SGCZ: variants seen among roughly 807,000 people sequenced by gnomAD.
The protein encoded by SGCZ is zeta-sarcoglycan.
In SGCZ, 40 loss-of-function variants were observed where a neutral mutation model predicts 41.3. The observed-to-expected ratio is 0.97, with a 90% confidence interval of 0.75 to 1.26. The LOEUF (loss-of-function observed/expected upper bound fraction) is 1.26. Among genes scored for constraint, SGCZ ranks in the 50% most tolerant of loss-of-function variants. The pLI is 0.00. For synonymous variants in SGCZ, 206 were observed against 137.5 expected (o/e 1.50, Z -3.49); for missense variants, 552 against 369.8 (o/e 1.49, Z -4.04).
chr8:14,639,386 G>C (rs1806944180), intron 1 of SGCZ, among the ~76,000 whole-genome samples: 1 of 151,504 alleles, frequency 6.6e-6, no homozygotes, highest in African/African-American at 2.4e-5. Context: ...TAATGTCAAA[G>C]AGCAAAAGCT....
chr8:14,705,208 G>T (rs1809295771), intron 1 of SGCZ, among the ~76,000 whole-genome samples: 1 of 151,778 alleles, frequency 6.6e-6, no homozygotes, highest in Admixed American at 6.6e-5. Context: ...GAATATTTTT[G>T]GTGGTCAATA....
intron 2 of SGCZ, among the ~76,000 whole-genome samples, chr8:14,512,443 C>T (rs1472988127): frequency 6.6e-6 from 1 of 151,970 alleles, no homozygotes; most frequent in Admixed American, 6.6e-5. Context: ...TAGATTACAG[C>T]TGATGCCCCA....
At chr8:14,219,063 A>C (rs750520334) in intron 4 of SGCZ, among the ~76,000 whole-genome samples, 20 of 152,232 alleles carry the variant, frequency 1.3e-4, no homozygotes, top group Admixed American at 2.6e-4. Context: ...CAAAAATTAA[A>C]AACAAAATTG....
chr8:14,901,693 CA>C (rs1187252960), intron 1 of SGCZ, among the ~76,000 whole-genome samples: 1 of 151,944 alleles, frequency 6.6e-6, no homozygotes. Context: ...AAAAAAGTTA[CA>C]TATATTTTCG....
In SGCZ at chr8:14,475,478, A is replaced by T. The variant is rs1225739250; in HGVS notation, c.234+79254T>A. Among the ~76,000 whole-genome samples the T allele has an allele frequency of 3.3e-5, 5 of 152,256 alleles. No individual in the cohort carries two copies. The East Asian group carries it at 5.8e-4, about 18-fold the overall frequency. On this transcript the variant is annotated intron_variant, in intron 2 of 7. Coordinates refer to ENST00000382080, the MANE Select transcript of SGCZ (RefSeq NM_139167.4). The stretch of plus-strand genomic sequence containing the variant: ...GCATGATTCATTTTTCATTCCAGTG[A>T]TTGTTATTAAAGCAAAAGAGAACCC...
intron 1 of SGCZ, among the ~76,000 whole-genome samples, chr8:14,602,018 G>C (rs994716891): frequency 2.6e-5 from 4 of 152,110 alleles, no homozygotes; most frequent in African/African-American, 4.8e-5. Flanking sequence ...TACTCGGGAG[G>C]CTGAGGCAGG....
At chr8:14,939,770 A>C (rs1800207230) in intron 1 of SGCZ, among the ~76,000 whole-genome samples, 1 of 152,084 alleles carries the variant, frequency 6.6e-6, no homozygotes, top group South Asian at 2.1e-4. Flanking sequence ...TGTTCACTCA[A>C]GGGAAGCAGC....
chr8:14,566,917 C>G, intron 1 of SGCZ, among the ~76,000 whole-genome samples: 1 of 152,174 alleles, frequency 6.6e-6, no homozygotes, highest in East Asian at 1.9e-4. Flanking sequence ...GCCCCACACT[C>G]AGAGCGGCCG....
intron 1 of SGCZ, among the ~76,000 whole-genome samples, chr8:14,703,799 G>C (rs1240990213): frequency 1.3e-5 from 2 of 151,900 alleles, no homozygotes; most frequent in South Asian, 2.1e-4. Flanking sequence ...TGGGCTTTTA[G>C]TTATTAATCT....
In SGCZ at chr8:14,622,475, C is replaced by G. The variant is rs117099375; in HGVS notation, c.40-67549G>C. Among the ~76,000 whole-genome samples, 348 of 152,078 alleles carry G rather than the reference C, an allele frequency of 2.3e-3. 1 individual carries two copies. The highest frequency in any genetic ancestry group is 4.5e-3 in the Non-Finnish European group (309 of 67,992). On this transcript the variant is annotated intron_variant, in intron 1 of 7. Coordinates refer to ENST00000382080, the MANE Select transcript of SGCZ (RefSeq NM_139167.4). ...GAGTGTTACCAGCATCCAGAGAAGC[C>G]CAATTAATTAGACTACACAAAATTT...
chr8:14,998,273 C>A (rs1802289965), intron 1 of SGCZ, among the ~76,000 whole-genome samples: 1 of 152,170 alleles, frequency 6.6e-6, no homozygotes, highest in African/African-American at 2.4e-5. Context: ...ATATAACAGG[C>A]CTGTTGAACC....
intron 3 of SGCZ, among the ~76,000 whole-genome samples, chr8:14,293,773 C>T (rs193194391): frequency 4.6e-5 from 7 of 151,820 alleles, no homozygotes; most frequent in Admixed American, 3.3e-4. Context: ...TAAGCATTTT[C>T]CAACTTTGTC....
intron 2 of SGCZ, among the ~76,000 whole-genome samples, chr8:14,413,442 C>A (rs762503237): frequency 8.6e-5 from 13 of 151,848 alleles, no homozygotes; most frequent in South Asian, 2.1e-4. Context: ...GGAAAGAGTT[C>A]TTTCCTCTTT....
At chr8:14,853,981 T>C (rs2130661415) in intron 1 of SGCZ, among the ~76,000 whole-genome samples, 1 of 146,864 alleles carries the variant, frequency 6.8e-6, no homozygotes, top group African/African-American at 2.5e-5. Context: ...TACTCCTAAG[T>C]CATTCATTTT....
chr8:14,934,050 A>G (rs1285970179), intron 1 of SGCZ, among the ~76,000 whole-genome samples: 1 of 152,146 alleles, frequency 6.6e-6, no homozygotes, highest in Admixed American at 6.5e-5. Flanking sequence ...AAAATAGCCA[A>G]TAATTAATAA....
chr8:14,579,146 G>C lies in SGCZ; in HGVS notation c.40-24220C>G, dbSNP rs1198253458. On this transcript the variant is annotated intron_variant, in intron 1 of 7. Coordinates refer to ENST00000382080, the MANE Select transcript of SGCZ (RefSeq NM_139167.4). Reference sequence around the variant, plus strand: ...GAGAAAATAAAGTATTGAGATCTTAGGCCCATTTCTCATTTTTTATTTATA... The same window carrying C: ...GAGAAAATAAAGTATTGAGATCTTACGCCCATTTCTCATTTTTTATTTATA... Among the ~76,000 whole-genome samples, 4 of 151,948 alleles carry C rather than the reference G, an allele frequency of 2.6e-5. No homozygotes were observed. In the East Asian group the frequency reaches 5.8e-4, roughly 22 times the overall value.
In SGCZ at chr8:14,874,278, C is replaced by T. The variant is rs1804267512; in HGVS notation, c.40-319352G>A. ...TAGTCAATCTGACTGATCTGCTGTA[C>T]TGTTTAATTAGACATAATGATTTAC... On this transcript the variant is annotated intron_variant, in intron 1 of 7. Coordinates refer to ENST00000382080, the MANE Select transcript of SGCZ (RefSeq NM_139167.4). 1.3e-5 allele frequency among the ~76,000 whole-genome samples: 2 copies of T among 152,120 alleles called. 1 individual carries two copies. Among genetic ancestry groups the T allele is most frequent in the South Asian group, 4.1e-4 (2 of 4,836 alleles).
chr8:14,778,415 A>T (rs1669064193), intron 1 of SGCZ, among the ~76,000 whole-genome samples: 1 of 152,128 alleles, frequency 6.6e-6, no homozygotes. Flanking sequence ...TTGTAAATGA[A>T]CTTTTTTCCT....
At chr8:14,839,277 G>C (rs370791359) in intron 1 of SGCZ, among the ~76,000 whole-genome samples, 14 of 152,262 alleles carry the variant, frequency 9.2e-5, no homozygotes, top group African/African-American at 3.1e-4. Flanking sequence ...ATCACTCAAA[G>C]TGTTTACGCA....
Sources: gnomAD v4.1 joint callset for allele counts (sites outside exome capture counted in the v4.1 genomes callset) on GRCh38, gnomAD v4.1.1 for gene constraint, MANE v1.5 for transcripts, NCBI Gene and HGNC (gene_info 2026-07-23, HGNC 2026-07-21) for gene names.